FUBP3: variants seen among roughly 807,000 people sequenced by gnomAD.
FUBP3 encodes far upstream element-binding protein 3.
FUBP3 carries 28 observed loss-of-function variants against 85.6 expected under a neutral mutation model. The observed-to-expected ratio is 0.33, with a 90% CI of 0.24 to 0.45. The LOEUF is 0.45. FUBP3 is among the 20% of genes least tolerant of loss of function. The pLI is 1.00. For missense variants in FUBP3, 583 were observed against 755.1 expected, an observed-to-expected ratio of 0.77 and a Z score of 2.67; for synonymous variants, 271 against 271.4, an observed-to-expected ratio of 1.00 and a Z score of 0.01.
In FUBP3 at chr9:130,614,325, C is replaced by T. The variant is rs942394677; in HGVS notation, c.384C>T (p.Thr128=). 1.2e-6 allele frequency: 2 copies of T among 1,601,072 alleles called. No individual in the cohort carries two copies. Among genetic ancestry groups the T allele is most frequent in the East Asian group, 2.2e-5 (1 of 44,780 alleles). Residue 128 remains threonine (T), a synonymous_variant, in exon 6 of 19, where the codon ACC becomes ACT. Coordinates refer to ENST00000319725, the MANE Select transcript of FUBP3 (RefSeq NM_003934.2). ...TTCCAGAGAGGCCCTGTGTACTTAC[C>T]GGAACCCCAGAAAGTATTGAGTAAG... ...SGIPERPCVL[T]GTPESIEQAK... is the part of the protein sequence containing the mutation.
At chr9:130,621,443 A>AGTT (rs1307589926) in intron 9 of FUBP3, among the ~76,000 whole-genome samples, 14 of 152,374 alleles carry the variant, frequency 9.2e-5, no homozygotes, top group African/African-American at 3.4e-4. Context: ...AGTGTGCTAC[A>AGTT]GTTAACACCA....
At chr9:130,597,028 C>T (rs1830906276) in intron 2 of FUBP3, among the ~76,000 whole-genome samples, 1 of 151,736 alleles carries the variant, frequency 6.6e-6, no homozygotes, top group South Asian at 2.1e-4. Context: ...ACCCCCCTCC[C>T]CCCTGAGTCC....
intron 12 of FUBP3, 105 bp downstream of exon 12, chr9:130,626,610 G>T: frequency 1.2e-6 from 1 of 817,574 alleles, no homozygotes; most frequent in Non-Finnish European, 1.7e-6. Flanking sequence ...TGCTGCTGCA[G>T]GCTGGGGCTG....
chr9:130,579,795 A>G lies in FUBP3; in HGVS notation c.84+31A>G, dbSNP rs772412785. On this transcript the variant is annotated intron_variant, in intron 1 of 18. Coordinates refer to ENST00000319725, the MANE Select transcript of FUBP3 (RefSeq NM_003934.2). ...GGCGCAGCCGGCTGGCAGGAGCACGAGATCCCGAGGCGGGGCCTGGCGGGC... is the reference window on the plus strand; with the variant it reads ...GGCGCAGCCGGCTGGCAGGAGCACGGGATCCCGAGGCGGGGCCTGGCGGGC... 6 of 1,230,168 alleles carry G rather than the reference A, an allele frequency of 4.9e-6. 1 individual carries two copies. Among genetic ancestry groups the G allele is most frequent in the Non-Finnish European group, 6.2e-6 (6 of 974,314 alleles). The allele number at this position is 1,230,168 out of a possible 1,614,324, so 76.2% of individuals were successfully genotyped here. A position where few individuals can be genotyped will look rare whatever the true frequency, so the allele number is the denominator to read the frequency against.
At chr9:130,636,152 T>C in intron 18 of FUBP3, 26 bp downstream of exon 18, 1 of 1,608,940 alleles carries the variant, frequency 6.2e-7, no homozygotes, top group East Asian at 2.2e-5. Flanking sequence ...CCAGCACCGC[T>C]GCCACTCCCT....
chr9:130,626,233 G>A (rs1829965147), intron 11 of FUBP3, 131 bp from the exon 12 acceptor site: 4 of 887,988 alleles, frequency 4.5e-6, no homozygotes, highest in Non-Finnish European at 6.8e-6. Flanking sequence ...AGAATGGGAA[G>A]TGTGGAAAGG....
At position 130,612,426 on chromosome 9, in the gene FUBP3, AT is replaced by A. The variant is rs760311869; in HGVS notation, c.225-23del. The A allele has an allele frequency of 7.5e-6, 11 of 1,467,660 alleles. No homozygotes were observed. The highest frequency in any genetic ancestry group is 1.4e-5 in the African/African-American group (1 of 71,672). 90.9% of individuals were successfully genotyped at this position (1,467,660 alleles called of 1,614,324 possible). A position where few individuals can be genotyped will look rare whatever the true frequency, so the allele number is the denominator to read the frequency against. On this transcript the variant is annotated intron_variant, in intron 3 of 18. Transcript: ENST00000319725. This position sits in a 1 kb window ranked among gnomAD's most constrained non-coding sequence, Gnocchi z 4.1. Reference sequence around the variant, plus strand: ...ATGGCTGCAAAAGTCTGTATTCTGTATTTTTTTCCAAAATGTTCTTTGTTTT... The same window carrying A: ...ATGGCTGCAAAAGTCTGTATTCTGTATTTTTTCCAAAATGTTCTTTGTTTT...
At chr9:130,624,607 T>A (rs1464199463) in intron 11 of FUBP3, among the ~76,000 whole-genome samples, 1 of 129,234 alleles carries the variant, frequency 7.7e-6, no homozygotes, top group Non-Finnish European at 1.6e-5. Flanking sequence ...TGTTACAAGA[T>A]TTTGTGTGTG....
Position 130,622,733 on chromosome 9 carries a change from G to T in FUBP3, c.797G>T (p.Gly266Val). 6.3e-7 allele frequency: 1 copy of T among 1,594,980 alleles called. No individual in the cohort carries two copies. The highest frequency in any genetic ancestry group is 8.6e-7 in the Non-Finnish European group (1 of 1,165,232). The change falls in exon 10 of 19, where the codon GGG becomes GTG. Residue 266 changes from glycine (G) to valine (V), a missense_variant. Transcript: ENST00000319725. Reference protein sequence around the residue: ...IEVSVPRFAVGIVIGRNGEMI... With the variant: ...IEVSVPRFAVVIVIGRNGEMI... ...GTATCTGTGCCTAGGTTTGCTGTGGGGATTGTAATAGGAAGAAACGGGGAA... is the reference window on the plus strand; with the variant it reads ...GTATCTGTGCCTAGGTTTGCTGTGGTGATTGTAATAGGAAGAAACGGGGAA...
chr9:130,635,816 CAAG>C lies in FUBP3; in HGVS notation c.1583-181_1583-179del. On this transcript the variant is annotated intron_variant, in intron 17 of 18. Transcript: ENST00000319725. This position sits in a 1 kb window ranked among gnomAD's most constrained non-coding sequence, Gnocchi z 4.3. The stretch of plus-strand genomic sequence containing the variant: ...CACAGGCATAGCAGGGGCCGGGCAA[CAAG>C]AGGCTAACAGCACCTTTTGTAGCAA... 1.6e-6 allele frequency: 1 copy of C among 616,252 alleles called. No individual in the cohort carries two copies. Among genetic ancestry groups the C allele is most frequent in the Non-Finnish European group, 2.8e-6 (1 of 352,600 alleles). 38.2% of individuals were successfully genotyped at this position (616,252 alleles called of 1,614,324 possible).
At chr9:130,614,479 G>C (rs1490784965) in intron 6 of FUBP3, 134 bp downstream of exon 6, 3 of 567,206 alleles carry the variant, frequency 5.3e-6, no homozygotes, top group Non-Finnish European at 9.5e-6. Flanking sequence ...TAATTCCATA[G>C]GAAAAAAATC....
Position 130,579,649 on chromosome 9 carries a change from C to T in FUBP3, c.-32C>T. On this transcript the variant is annotated 5_prime_UTR_variant, in exon 1 of 19. Coordinates refer to ENST00000319725, the MANE Select transcript of FUBP3 (RefSeq NM_003934.2). ...AGCCGAGCGGCGGCGTCGGCGGCGT[C>T]GGCGGCGGCGGCGACGGCGGCGGGG... is the stretch of plus-strand genomic sequence containing the variant. 4 of 1,186,186 alleles carry T rather than the reference C, an allele frequency of 3.4e-6. No homozygotes were observed. The highest frequency in any genetic ancestry group is 4.2e-6 in the Non-Finnish European group (4 of 943,436). The allele number at this position is 1,186,186 out of a possible 1,614,324, so 73.5% of individuals were successfully genotyped here.
chr9:130,604,449 G>A (rs1301343350), intron 2 of FUBP3, among the ~76,000 whole-genome samples: 1 of 152,194 alleles, frequency 6.6e-6, no homozygotes, highest in Non-Finnish European at 1.5e-5. Context: ...ACAGATCAAG[G>A]TTTGAATCCC....
chr9:130,632,179 A>G, intron 15 of FUBP3, 23 bp from the exon 16 acceptor site: 1 of 1,604,472 alleles, frequency 6.2e-7, no homozygotes, highest in Middle Eastern at 1.7e-4. Context: ...TATAGGAACG[A>G]GTGACCCTCT....
chr9:130,619,389 G>C (rs1829640396), intron 8 of FUBP3, among the ~76,000 whole-genome samples: 1 of 149,254 alleles, frequency 6.7e-6, no homozygotes, highest in African/African-American at 2.5e-5. Flanking sequence ...ACATTTTGCT[G>C]TATGTGTGTG....
intron 5 of FUBP3, 40 bp from the exon 6 acceptor site, chr9:130,614,248 T>C (rs747070899): frequency 3.0e-6 from 4 of 1,347,050 alleles, no homozygotes; most frequent in Non-Finnish European, 4.3e-6. Context: ...ATGTGCCCGG[T>C]GCCCACCAAC....
intron 2 of FUBP3, among the ~76,000 whole-genome samples, chr9:130,602,724 G>A (rs1351559664): frequency 6.6e-6 from 1 of 152,186 alleles, no homozygotes; most frequent in East Asian, 1.9e-4. Flanking sequence ...TGTGAAGAGG[G>A]AAGAGGTAAA....
At chr9:130,607,454 A>G (rs546790561) in intron 2 of FUBP3, among the ~76,000 whole-genome samples, 1 of 152,274 alleles carries the variant, frequency 6.6e-6, no homozygotes, top group East Asian at 1.9e-4. Context: ...CTTTAGAAGC[A>G]AGAAGATGCA....
intron 1 of FUBP3, among the ~76,000 whole-genome samples, chr9:130,589,673 G>GTATATGTATATATATA (rs1291689029): frequency 3.5e-5 from 1 of 28,368 alleles, no homozygotes; most frequent in African/African-American, 1.3e-4. Context: ...ATGTATGTGT[G>GTATATGTATATATATA]TGTATATATA....
Sources: gnomAD v4.1 joint callset for allele counts (sites outside exome capture counted in the v4.1 genomes callset) on GRCh38, gnomAD v4.1.1 for gene constraint, Gnocchi (gnomAD v3.1) non-coding constraint, MANE v1.5 for transcripts, NCBI Gene and HGNC (gene_info 2026-07-23, HGNC 2026-07-21) for gene names.